The following CNTN4 variants were observed in gnomAD, a reference collection of about 807,000 sequenced individuals.
The protein encoded by CNTN4 is contactin 4.
CNTN4 carries 77 observed loss-of-function variants against 122.5 expected under a neutral mutation model. That is an observed-to-expected ratio of 0.63 (90% CI 0.52 to 0.76). The LOEUF is 0.76. CNTN4 is among the 30% of genes least tolerant of loss of function. CNTN4 has a pLI of 0.00. For synonymous variants in CNTN4, 512 were observed against 447.0 expected, an observed-to-expected ratio of 1.15 and a Z score of -1.83; for missense variants, 1,256 against 1,259.1, an observed-to-expected ratio of 1.00 and a Z score of 0.04.
chr3:2,307,502 C>CAT (rs1213190656), intron 2 of CNTN4, among the ~76,000 whole-genome samples: 1 of 151,420 alleles, frequency 6.6e-6, no homozygotes, highest in African/African-American at 2.4e-5. Flanking sequence ...GAAAAGCTTT[C>CAT]ATCTTTTACT....
chr3:2,273,360 T>A (rs1442023370), intron 2 of CNTN4, among the ~76,000 whole-genome samples: 3 of 152,190 alleles, frequency 2.0e-5, no homozygotes, highest in African/African-American at 7.2e-5. Flanking sequence ...ATTGTCCCAG[T>A]GAAATGATAA....
At chr3:2,763,534 G>C (rs2090695775) in intron 6 of CNTN4, among the ~76,000 whole-genome samples, 3 of 152,090 alleles carry the variant, frequency 2.0e-5, no homozygotes, top group Admixed American at 2.0e-4. Context: ...TGCTTTTGTT[G>C]TCTTTGTAAT....
chr3:2,789,854 G>A (rs2091954339), intron 6 of CNTN4, among the ~76,000 whole-genome samples: 1 of 152,232 alleles, frequency 6.6e-6, no homozygotes, highest in Non-Finnish European at 1.5e-5. Flanking sequence ...GCAAGATTAA[G>A]GGTAAAGTTT....
In CNTN4 at chr3:2,752,307, T is replaced by C. The variant is rs1576662004; in HGVS notation, c.358+6610T>C. On this transcript the variant is annotated intron_variant, in intron 6 of 24. Coordinates refer to ENST00000418658, the MANE Select transcript of CNTN4 (RefSeq NM_175607.3). ...GCAACTAAACTATCATTTCTTTGTGTTGGGAACATGCAAAATTCTCTCTTC... is the reference window on the plus strand; with the variant it reads ...GCAACTAAACTATCATTTCTTTGTGCTGGGAACATGCAAAATTCTCTCTTC... 1.3e-5 allele frequency among the ~76,000 whole-genome samples: 2 copies of C among 152,328 alleles called. 1 individual carries two copies. Among genetic ancestry groups the C allele is most frequent in the Admixed American group, 1.3e-4 (2 of 15,290 alleles).
At chr3:2,172,916 A>G (rs1012730691) in intron 2 of CNTN4, among the ~76,000 whole-genome samples, 1 of 152,220 alleles carries the variant, frequency 6.6e-6, no homozygotes, top group African/African-American at 2.4e-5. Flanking sequence ...GTAGGGGCCA[A>G]AAGAGAAGAA....
chr3:2,534,274 A>G (rs1261091080), intron 3 of CNTN4, among the ~76,000 whole-genome samples: 1 of 152,118 alleles, frequency 6.6e-6, no homozygotes, highest in Non-Finnish European at 1.5e-5. Context: ...TCTTGAATTA[A>G]TTTTTGTATA....
At chr3:2,357,667 C>G (rs946276294) in intron 3 of CNTN4, among the ~76,000 whole-genome samples, 1 of 152,166 alleles carries the variant, frequency 6.6e-6, no homozygotes, top group African/African-American at 2.4e-5. Flanking sequence ...CTAAAGGAGA[C>G]TGATGAGAAT....
chr3:2,296,016 T>C (rs1464688291), intron 2 of CNTN4, among the ~76,000 whole-genome samples: 1 of 152,180 alleles, frequency 6.6e-6, no homozygotes, highest in Admixed American at 6.5e-5. Context: ...CTGAGGGCTC[T>C]GTTCTGTTCC....
At chr3:2,968,295 G>A (rs1692534955) in intron 13 of CNTN4, among the ~76,000 whole-genome samples, 1 of 152,110 alleles carries the variant, frequency 6.6e-6, no homozygotes, top group Admixed American at 6.6e-5. Context: ...TGCTTTGGAT[G>A]TATGCCTAAA....
intron 4 of CNTN4, among the ~76,000 whole-genome samples, chr3:2,613,322 G>A (rs1345988841): frequency 6.6e-6 from 1 of 151,906 alleles, no homozygotes; most frequent in African/African-American, 2.4e-5. Context: ...CCAATTCCTG[G>A]CAAGGAAAAG....
intron 8 of CNTN4, among the ~76,000 whole-genome samples, chr3:2,875,812 CT>C: frequency 6.6e-6 from 1 of 152,226 alleles, no homozygotes; most frequent in Middle Eastern, 3.4e-3. Flanking sequence ...ACATGGATAA[CT>C]TTTTAGTAGG....
At chr3:2,539,759 C>T (rs577881180) in intron 3 of CNTN4, among the ~76,000 whole-genome samples, 5 of 152,202 alleles carry the variant, frequency 3.3e-5, no homozygotes, top group African/African-American at 9.6e-5. Context: ...TAATGCTGAA[C>T]ATCTACGTAC....
intron 4 of CNTN4, among the ~76,000 whole-genome samples, chr3:2,651,288 C>A (rs2083347466): frequency 6.6e-6 from 1 of 152,144 alleles, no homozygotes; most frequent in Non-Finnish European, 1.5e-5. Context: ...CCCTTAGGAT[C>A]CTCTTGCTTC....
At chr3:2,412,575 A>G (rs1187880107) in intron 3 of CNTN4, among the ~76,000 whole-genome samples, 1 of 152,124 alleles carries the variant, frequency 6.6e-6, no homozygotes, top group Non-Finnish European at 1.5e-5. Context: ...CTCGTGTCAG[A>G]TGGGTGTACC....
rs2044011064 is a variant in CNTN4, at chr3:2,337,708, T to A, written c.-144-1470T>A. Among the ~76,000 whole-genome samples the A allele has an allele frequency of 2.6e-5, 4 of 152,138 alleles. No individual in the cohort carries two copies. In the South Asian group the frequency reaches 8.3e-4, roughly 31 times the overall value. On this transcript the variant is annotated intron_variant, in intron 2 of 24. Coordinates refer to ENST00000418658, the MANE Select transcript of CNTN4 (RefSeq NM_175607.3). ...AATAAAATTAAGTTTTCATTTCAAG[T>A]ATTATTCCACTGGATAGGGTAAATG... is the stretch of plus-strand genomic sequence containing the variant.
chr3:2,760,759 G>C (rs2320960), intron 6 of CNTN4, among the ~76,000 whole-genome samples: 72,189 of 152,024 alleles, frequency 0.47, 18,912 homozygotes, highest in Non-Finnish European at 0.62. Context: ...ATTCTGGGCT[G>C]TCTGATTTAG....
intron 2 of CNTN4, among the ~76,000 whole-genome samples, chr3:2,261,682 G>A (rs1380242327): frequency 2.0e-5 from 3 of 152,158 alleles, no homozygotes; most frequent in Middle Eastern, 3.2e-3. Context: ...CTATGGAATA[G>A]TGAAGGCCCG....
At chr3:2,887,991 T>A (rs1033260559) in intron 10 of CNTN4, among the ~76,000 whole-genome samples, 1 of 152,186 alleles carries the variant, frequency 6.6e-6, no homozygotes, top group African/African-American at 2.4e-5. Context: ...TACTATAGAT[T>A]GATAATTATT....
intron 2 of CNTN4, among the ~76,000 whole-genome samples, chr3:2,320,680 C>T (rs2043248100): frequency 6.6e-6 from 1 of 152,050 alleles, no homozygotes; most frequent in Non-Finnish European, 1.5e-5. Flanking sequence ...TTTTGGCTGC[C>T]ATAAATTATC....
Sources: gnomAD v4.1 joint callset for allele counts (sites outside exome capture counted in the v4.1 genomes callset) on GRCh38, gnomAD v4.1.1 for gene constraint, MANE v1.5 for transcripts, NCBI Gene and HGNC (gene_info 2026-07-23, HGNC 2026-07-21) for gene names.